COPG1: variants seen among roughly 807,000 people sequenced by gnomAD.
COPG1 encodes coatomer subunit gamma-1.
COPG1 carries 29 observed loss-of-function variants against 102.8 expected under a neutral mutation model. That is an observed-to-expected ratio of 0.28 (90% CI 0.21 to 0.38). The LOEUF (loss-of-function observed/expected upper bound fraction) is 0.38, where lower values mean the gene tolerates loss of function less well. Among genes scored for constraint, COPG1 ranks in the 10% least tolerant of loss-of-function variants. The pLI is 1.00. For synonymous variants in COPG1, 406 were observed against 421.6 expected, an observed-to-expected ratio of 0.96 and a Z score of 0.45; for missense variants, 875 against 1,132.7, an observed-to-expected ratio of 0.77 and a Z score of 3.27.
intron 10 of COPG1, 100 bp from the exon 11 acceptor site, chr3:129,260,233 A>G: frequency 9.2e-7 from 1 of 1,081,558 alleles, no homozygotes; most frequent in South Asian, 1.4e-5. Flanking sequence ...CAGCAGGGAA[A>G]TGAGCTGAGC....
chr3:129,272,931 G>T (rs1940208943), intron 21 of COPG1, 27 bp downstream of exon 21: 2 of 1,413,142 alleles, frequency 1.4e-6, no homozygotes, highest in East Asian at 4.6e-5. Context: ...AGGAAGCTCA[G>T]TTTTGTGCTG....
chr3:129,263,524 C>T (rs1227059575), intron 12 of COPG1, among the ~76,000 whole-genome samples: 1 of 152,110 alleles, frequency 6.6e-6, no homozygotes, highest in East Asian at 1.9e-4. Flanking sequence ...GACAGAATAC[C>T]CCAGAGACAG....
At chr3:129,264,885 G>A (rs1360843576) in intron 13 of COPG1, among the ~76,000 whole-genome samples, 1 of 151,602 alleles carries the variant, frequency 6.6e-6, no homozygotes, top group Non-Finnish European at 1.5e-5. Context: ...GCAGTGGTGA[G>A]GTCTTGGCTC....
Position 129,265,739 on chromosome 3 carries a change from A to G in COPG1, c.1415A>G (p.Tyr472Cys), listed in dbSNP as rs766374394. 1.2e-6 allele frequency: 2 copies of G among 1,614,142 alleles called. No homozygotes were observed. Among genetic ancestry groups the G allele is most frequent in the Non-Finnish European group, 1.7e-6 (2 of 1,180,022 alleles). ...CCCAAGACCACCAATCCCTCAAAGT[A>G]CATCCGCTTCATCTATAACCGAGTG... is the stretch of plus-strand genomic sequence containing the variant. ...EGPKTTNPSKYIRFIYNRVVL... is the reference protein window; with the variant it reads ...EGPKTTNPSKCIRFIYNRVVL... Residue 472 changes from tyrosine (Y) to cysteine (C), a missense_variant, in exon 14 of 24, where the codon TAC (tyrosine) becomes TGC (cysteine). Coordinates refer to ENST00000314797, the MANE Select transcript of COPG1 (RefSeq NM_016128.4).
chr3:129,268,079 C>T, intron 16 of COPG1, 39 bp downstream of exon 16: 1 of 1,510,150 alleles, frequency 6.6e-7, no homozygotes, highest in Non-Finnish European at 9.2e-7. Flanking sequence ...CAGCACCTTA[C>T]TGGAGCTGTG....
chr3:129,269,969 G>A lies in COPG1; in HGVS notation c.1843+969G>A, dbSNP rs571330774. On this transcript the variant is annotated intron_variant, in intron 18 of 23. Coordinates refer to ENST00000314797, the MANE Select transcript of COPG1 (RefSeq NM_016128.4). ...TAGAGGTGGCCCGTATCCTTGGCTC[G>A]TGGCCCCTTCCACCGTCTTTAAGGG... 2.1e-4 allele frequency among the ~76,000 whole-genome samples: 32 copies of A among 149,656 alleles called. No individual in the cohort carries two copies. In the South Asian group the frequency reaches 3.8e-3, roughly 18 times the overall value.
intron 2 of COPG1, chr3:129,250,937 T>TC: frequency 2.1e-6 from 1 of 483,256 alleles, no homozygotes; most frequent in Non-Finnish European, 3.6e-6. Flanking sequence ...TTTTTTTTTT[T>TC]TTCTGAGACA....
chr3:129,277,188 TCACTA>T (rs1940289745), intron 23 of COPG1, 101 bp from the exon 24 acceptor site: 2 of 1,177,062 alleles, frequency 1.7e-6, no homozygotes, highest in African/African-American at 3.0e-5. Context: ...CCTGCCCGTT[TCACTA>T]CACCAGAGCT....
At position 129,268,495 on chromosome 3, in the gene COPG1, G is replaced by A. The variant is rs549115831; in HGVS notation, c.1649G>A (p.Gly550Asp). The change falls in exon 17 of 24, where the codon GGT becomes GAT. Residue 550 changes from glycine to aspartate, a missense_variant and splice_region_variant. Gly to Asp is a moderately conservative substitution (Grantham distance 94). Transcript: ENST00000314797. The stretch of plus-strand genomic sequence containing the variant: ...CATGGTGACCTCTCTTCACCTCCAG[G>A]TCTGACTGTGTCCATCCCTGGTCTG... ...KALNAGYILN[G>D]LTVSIPGLER... The A allele has an allele frequency of 1.2e-6, 2 of 1,614,112 alleles. No individual in the cohort carries two copies. Among genetic ancestry groups the A allele is most frequent in the African/African-American group, 1.3e-5 (1 of 75,040 alleles).
intron 14 of COPG1, 40 bp from the exon 15 acceptor site, chr3:129,266,984 A>C (rs1480851480): frequency 1.9e-6 from 3 of 1,569,822 alleles, no homozygotes; most frequent in Non-Finnish European, 2.6e-6. Context: ...GTGAGTTGTC[A>C]GGGTGCATTG....
intron 2 of COPG1, among the ~76,000 whole-genome samples, chr3:129,251,921 G>A (rs1939707825): frequency 7.1e-6 from 1 of 141,164 alleles, no homozygotes; most frequent in South Asian, 2.3e-4. Flanking sequence ...CTGACCTCAG[G>A]TGATCCACCC....
chr3:129,254,467 A>G, intron 5 of COPG1: 1 of 525,010 alleles, frequency 1.9e-6, no homozygotes, highest in Admixed American at 3.3e-5. Context: ...TAGCAAAAGC[A>G]GGGGGATGAC....
chr3:129,257,009 G>A (rs1576962003), intron 8 of COPG1, among the ~76,000 whole-genome samples: 2 of 152,254 alleles, frequency 1.3e-5, no homozygotes, highest in Non-Finnish European at 2.9e-5. Flanking sequence ...GGGCAAGTCA[G>A]CAAAGATTAA....
chr3:129,255,982 G>C, intron 7 of COPG1, 86 bp from the exon 8 acceptor site: 1 of 1,158,042 alleles, frequency 8.6e-7, no homozygotes, highest in Non-Finnish European at 1.3e-6. Flanking sequence ...CCCCTGAGCT[G>C]TGTCTGAGGG....
chr3:129,250,404 C>G (rs990956499), intron 1 of COPG1, among the ~76,000 whole-genome samples: 8 of 152,114 alleles, frequency 5.3e-5, no homozygotes, highest in Non-Finnish European at 7.3e-5. Context: ...TAGTTAATTA[C>G]AAGTTATATA....
In COPG1 at chr3:129,268,542, A is replaced by G. The variant is rs1218791602; in HGVS notation, c.1696A>G (p.Thr566Ala). The part of the protein sequence containing the change: ...PGLERALQQY[T>A]LEPSEKPFDL... ...TCTGGAGAGGGCTCTGCAGCAGTAC[A>G]CTCTAGAACCATCAGAAAAACCTTT... The change falls in exon 17 of 24, where the codon ACT (threonine) becomes GCT (alanine). Residue 566 changes from threonine to alanine, a missense_variant. Physicochemically the swap from Thr to Ala is moderately conservative, Grantham distance 58. Transcript: ENST00000314797. The G allele has an allele frequency of 6.2e-7, 1 of 1,613,954 alleles. No homozygotes were observed.
At chr3:129,252,470 A>G (rs1939720540) in intron 3 of COPG1, 109 bp downstream of exon 3, 2 of 1,033,246 alleles carry the variant, frequency 1.9e-6, no homozygotes, top group Non-Finnish European at 3.0e-6. Flanking sequence ...GTGGCTGTAG[A>G]CAACAGCTCA....
In COPG1 at chr3:129,260,688, A is replaced by G. The variant is rs573184481; in HGVS notation, c.1009A>G (p.Asn337Asp). The G allele has an allele frequency of 6.2e-7, 1 of 1,614,116 alleles. No homozygotes were observed. Among genetic ancestry groups the G allele is most frequent in the Non-Finnish European group, 8.5e-7 (1 of 1,180,046 alleles). ...TCTGGAGAACCTGGTCACAGATTCA[A>G]ACCGCAGCATTGCCACGCTGGCCAT... Reference protein sequence around the residue: ...LDLENLVTDSNRSIATLAITT... With the variant: ...LDLENLVTDSDRSIATLAITT... Residue 337 changes from asparagine (N) to aspartate (D), a missense_variant, in exon 12 of 24, where the codon AAC (asparagine) becomes GAC (aspartate). Asn to Asp is a conservative substitution (Grantham distance 23). Coordinates refer to ENST00000314797, the MANE Select transcript of COPG1 (RefSeq NM_016128.4).
chr3:129,264,162 A>G (rs1385268856), intron 13 of COPG1, among the ~76,000 whole-genome samples, 163 bp downstream of exon 13: 1 of 152,196 alleles, frequency 6.6e-6, no homozygotes, highest in Non-Finnish European at 1.5e-5. Flanking sequence ...ACATGTAAAC[A>G]CGTACCAATT....
Sources: gnomAD v4.1 joint callset for allele counts (sites outside exome capture counted in the v4.1 genomes callset) on GRCh38, gnomAD v4.1.1 for gene constraint, MANE v1.5 for transcripts, NCBI Gene and HGNC (gene_info 2026-07-23, HGNC 2026-07-21) for gene names.